Variants in MXI1 observed in about 807,000 individuals in gnomAD.
MXI1 encodes MAX interactor 1, dimerization protein.
Under a neutral mutation model 36.9 loss-of-function variants are expected in MXI1, and 18 were observed. The observed-to-expected ratio is 0.49, with a 90% CI of 0.34 to 0.72. MXI1 has a LOEUF of 0.72. MXI1 is among the 30% of genes least tolerant of loss of function. The probability of loss-of-function intolerance (pLI) is 0.01; values close to 1 mark genes in which losing one functional copy is unlikely to be tolerated. For missense variants in MXI1, 304 were observed against 379.1 expected, an observed-to-expected ratio of 0.80 and a Z score of 1.64; for synonymous variants, 160 against 146.7, an observed-to-expected ratio of 1.09 and a Z score of -0.65.
At chr10:110,248,122 A>C (rs1006586885) in intron 3 of MXI1, among the ~76,000 whole-genome samples, 9 of 152,144 alleles carry the variant, frequency 5.9e-5, no homozygotes. Context: ...GCGTGTTCTC[A>C]CTCATAGGTG....
chr10:110,269,235 G>A (rs1415478295), intron 3 of MXI1, among the ~76,000 whole-genome samples: 4 of 152,172 alleles, frequency 2.6e-5, no homozygotes, highest in African/African-American at 4.8e-5. Context: ...ATGAATATTC[G>A]CCTTCCAGGG....
intron 2 of MXI1, among the ~76,000 whole-genome samples, chr10:110,244,517 A>AAG (rs200361215): frequency 0.052 from 7,936 of 151,750 alleles, 315 homozygotes; most frequent in Middle Eastern, 0.15. Flanking sequence ...TTTCTTATAT[A>AAG]ACATCTGCAG....
intron 1 of MXI1, among the ~76,000 whole-genome samples, chr10:110,214,924 A>G (rs1231006830): frequency 6.6e-6 from 1 of 151,810 alleles, no homozygotes; most frequent in Non-Finnish European, 1.5e-5. Context: ...GTCTTCCTGC[A>G]GAATGAGGAA....
Position 110,207,651 on chromosome 10 carries a change from A to T in MXI1, c.-158A>T. On this transcript the variant is annotated 5_prime_UTR_variant, in exon 1 of 6. Transcript: ENST00000332674. ...GACCGACACACACTCCCATACACTC[A>T]CACACACAACTGCAGGCAGCGAGGC... 1 of 217,638 alleles carries T rather than the reference A, an allele frequency of 4.6e-6. No individual in the cohort carries two copies. Among genetic ancestry groups the T allele is most frequent in the Non-Finnish European group, 8.2e-6 (1 of 121,532 alleles). The allele number at this position is 217,638 out of a possible 1,614,324, so 13.5% of individuals were successfully genotyped here.
chr10:110,265,375 G>A (rs1480482861), intron 3 of MXI1, among the ~76,000 whole-genome samples: 1 of 152,050 alleles, frequency 6.6e-6, no homozygotes, highest in Non-Finnish European at 1.5e-5. Context: ...GAAAATTTAG[G>A]ATTTGTTTTG....
intron 3 of MXI1, among the ~76,000 whole-genome samples, chr10:110,264,598 T>C (rs1238928353): frequency 1.3e-5 from 2 of 151,976 alleles, no homozygotes; most frequent in Non-Finnish European, 2.9e-5. Flanking sequence ...ACTCCTGACC[T>C]CGTGATCCGC....
intron 2 of MXI1, among the ~76,000 whole-genome samples, chr10:110,240,363 T>A (rs1005070223): frequency 1.3e-5 from 2 of 152,044 alleles, no homozygotes; most frequent in Admixed American, 6.6e-5. Flanking sequence ...TGATTATAGT[T>A]ATTGTTGTGC....
chr10:110,250,848 A>G (rs1590372679), intron 3 of MXI1, among the ~76,000 whole-genome samples: 1 of 144,962 alleles, frequency 6.9e-6, no homozygotes, highest in African/African-American at 2.6e-5. Context: ...AAAAAAAAAA[A>G]TAACAACTTT....
At chr10:110,224,443 G>C (rs181047195) in intron 1 of MXI1, among the ~76,000 whole-genome samples, 9 of 152,252 alleles carry the variant, frequency 5.9e-5, no homozygotes, top group Admixed American at 1.3e-4. Flanking sequence ...TGTGCTACTG[G>C]CATCTAGTGG....
At chr10:110,253,063 G>C (rs1856156176) in intron 3 of MXI1, among the ~76,000 whole-genome samples, 2 of 152,012 alleles carry the variant, frequency 1.3e-5, no homozygotes, top group Admixed American at 1.3e-4. Context: ...TTTATCTGAT[G>C]AAGTTTATGC....
At chr10:110,255,335 G>A (rs976998596) in intron 3 of MXI1, among the ~76,000 whole-genome samples, 7 of 152,116 alleles carry the variant, frequency 4.6e-5, no homozygotes, top group Admixed American at 1.3e-4. Context: ...ATTGCTCATC[G>A]ACAATACACC....
At position 110,230,877 on chromosome 10, in the gene MXI1, A is replaced by G. The variant is rs547889110; in HGVS notation, c.407+2556A>G. Among the ~76,000 whole-genome samples the G allele has an allele frequency of 3.9e-5, 6 of 152,342 alleles. No homozygotes were observed. The East Asian group carries it at 5.8e-4, about 15-fold the overall frequency. ...AAGGAAAGGAATGGACTTCATAAGT[A>G]TATATGTCTTATTTTTTCCTGATCA... On this transcript the variant is annotated intron_variant, in intron 2 of 5. Coordinates refer to ENST00000332674, the MANE Select transcript of MXI1 (RefSeq NM_130439.3).
chr10:110,210,065 C>A (rs1371557523), intron 1 of MXI1, among the ~76,000 whole-genome samples: 2 of 137,702 alleles, frequency 1.5e-5, no homozygotes, highest in African/African-American at 5.3e-5. Context: ...GCCGCCCTGG[C>A]CGCCGCCACC....
chr10:110,251,393 CCTATT>C (rs1856080899), intron 3 of MXI1, among the ~76,000 whole-genome samples: 1 of 151,752 alleles, frequency 6.6e-6, no homozygotes, highest in South Asian at 2.1e-4. Context: ...TATAAGATAC[CCTATT>C]CTATTCTAGT....
At position 110,284,957 on chromosome 10, in the gene MXI1, T is replaced by C; in HGVS notation, c.858T>C (p.Ser286=). Residue 286 remains serine (S), a synonymous_variant, in exon 6 of 6, where the codon AGT becomes AGC. Transcript: ENST00000332674. ...PSIGSDEGYS[S]ASVKLSFTS ...TTGGGAGTGACGAGGGTTACTCCAGTGCCAGTGTCAAACTTTCATTCACTT... is the reference window on the plus strand; with the variant it reads ...TTGGGAGTGACGAGGGTTACTCCAGCGCCAGTGTCAAACTTTCATTCACTT... 6.2e-7 allele frequency: 1 copy of C among 1,613,088 alleles called. No individual in the cohort carries two copies. Among genetic ancestry groups the C allele is most frequent in the Non-Finnish European group, 8.5e-7 (1 of 1,179,690 alleles).
chr10:110,244,205 T>C (rs1855775116), intron 2 of MXI1, among the ~76,000 whole-genome samples: 1 of 152,132 alleles, frequency 6.6e-6, no homozygotes, highest in Non-Finnish European at 1.5e-5. Context: ...ACAATAACCA[T>C]TGCTAACATT....
chr10:110,243,277 T>C (rs1020770268), intron 2 of MXI1, among the ~76,000 whole-genome samples: 5 of 152,088 alleles, frequency 3.3e-5, no homozygotes, highest in African/African-American at 1.2e-4. Flanking sequence ...CTCTATTTAC[T>C]TCCCTCAAAG....
intron 3 of MXI1, among the ~76,000 whole-genome samples, chr10:110,250,235 G>A (rs1856028117): frequency 6.6e-6 from 1 of 152,076 alleles, no homozygotes; most frequent in African/African-American, 2.4e-5. Context: ...CAGAGCATTT[G>A]TTACCTATGT....
intron 1 of MXI1, chr10:110,227,508 G>T: frequency 1.0e-6 from 1 of 987,180 alleles, no homozygotes; most frequent in Non-Finnish European, 1.2e-6. Flanking sequence ...GAGGGTGACC[G>T]TGGAGAAGCT....
Sources: gnomAD v4.1 joint callset for allele counts (sites outside exome capture counted in the v4.1 genomes callset) on GRCh38, gnomAD v4.1.1 for gene constraint, MANE v1.5 for transcripts, NCBI Gene and HGNC (gene_info 2026-07-23, HGNC 2026-07-21) for gene names.